Variants in PPFIA2 observed in about 807,000 individuals in gnomAD.
PPFIA2 encodes PPFI scaffold protein A2.
A neutral mutation model predicts 175.5 loss-of-function variants in PPFIA2; 46 were observed. The observed-to-expected ratio is 0.26, with a 90% CI of 0.21 to 0.34. The LOEUF is 0.34. Among genes scored for constraint, PPFIA2 ranks in the 10% least tolerant of loss-of-function variants. The probability of loss-of-function intolerance (pLI) is 1.00; values close to 1 mark genes in which losing one functional copy is unlikely to be tolerated. For missense variants in PPFIA2, 1,179 were observed against 1,506.1 expected (o/e 0.78, Z 3.60); for synonymous variants, 568 against 511.4 (o/e 1.11, Z -1.49).
intron 8 of PPFIA2, among the ~76,000 whole-genome samples, chr12:81,398,584 T>C (rs1227837515): frequency 6.6e-6 from 1 of 152,032 alleles, no homozygotes; most frequent in African/African-American, 2.4e-5. Context: ...CACAGGGTTG[T>C]TGTTACAGAG....
intron 10 of PPFIA2, 96 bp from the exon 11 acceptor site, chr12:81,374,864 A>G: frequency 2.5e-6 from 3 of 1,207,208 alleles, no homozygotes; most frequent in Non-Finnish European, 3.4e-6. Context: ...ATGATTCTAG[A>G]TTTAAATCAG....
At chr12:81,705,853 T>C (rs1053335269) in intron 3 of PPFIA2, among the ~76,000 whole-genome samples, 46 of 152,312 alleles carry the variant, frequency 3.0e-4, no homozygotes, top group African/African-American at 9.9e-4. Flanking sequence ...AGGAAATCAT[T>C]TGAGTCACAC....
chr12:81,690,772 G>A (rs1045407531), intron 3 of PPFIA2, among the ~76,000 whole-genome samples: 2 of 152,068 alleles, frequency 1.3e-5, no homozygotes, highest in Admixed American at 1.3e-4. Context: ...GGTGTTGGCA[G>A]GGGCTATGTT....
chr12:81,299,377 T>G lies in PPFIA2; in HGVS notation c.2648A>C (p.Glu883Ala), dbSNP rs1215788742. The G allele has an allele frequency of 1.3e-6, 2 of 1,583,678 alleles. No homozygotes were observed. Reference protein sequence around the residue: ...EKDRRLKKKHELLEEARRKGL... With the variant: ...EKDRRLKKKHALLEEARRKGL... ...CTTTCTCCGAGCTTCTTCAAGAAGT[T>G]CATGCCTGAAGTATATAGCAAAGAT... Residue 883 changes from glutamate to alanine, a missense_variant, in exon 23 of 33, where the codon GAA becomes GCA. Coordinates refer to ENST00000549396, the MANE Select transcript of PPFIA2 (RefSeq NM_003625.5).
intron 4 of PPFIA2, among the ~76,000 whole-genome samples, chr12:81,583,465 A>T (rs2074719801): frequency 6.6e-6 from 1 of 151,872 alleles, no homozygotes; most frequent in Non-Finnish European, 1.5e-5. Context: ...ATCAATAAAT[A>T]CAGTAAAGAT....
Position 81,375,942 on chromosome 12 carries a change from C to T in PPFIA2, c.985G>A (p.Ala329Thr). The T allele has an allele frequency of 6.2e-7, 1 of 1,609,188 alleles. No homozygotes were observed. The highest frequency in any genetic ancestry group is 8.5e-7 in the Non-Finnish European group (1 of 1,177,940). Residue 329 changes from alanine (A) to threonine (T), a missense_variant and splice_region_variant, in exon 10 of 33, where the codon GCC (alanine) becomes ACC (threonine). By Grantham distance (58) the Ala-to-Thr change is moderately conservative. Transcript: ENST00000549396. ...NTKYQRDIRE[A>T]MAQKEDMEER... is the part of the protein sequence containing the mutation. ...TCCATATCTTCCTTTTGTGCCATGG[C>T]CTACAATTAAAATAATTTAGAAAAA... is the stretch of plus-strand genomic sequence containing the variant.
intron 24 of PPFIA2, 65 bp downstream of exon 24, chr12:81,294,770 T>C (rs2046078764): frequency 6.7e-7 from 1 of 1,498,934 alleles, no homozygotes; most frequent in Non-Finnish European, 9.2e-7. Flanking sequence ...AATTTTGCTC[T>C]GTAGACTTAG....
intron 7 of PPFIA2, among the ~76,000 whole-genome samples, chr12:81,435,149 A>G (rs746370888): frequency 6.6e-6 from 1 of 152,186 alleles, no homozygotes; most frequent in Non-Finnish European, 1.5e-5. Context: ...CATCAGGAAA[A>G]CTAGGTGGCA....
intron 3 of PPFIA2, among the ~76,000 whole-genome samples, chr12:81,678,625 C>A (rs1009705012): frequency 6.6e-6 from 1 of 151,792 alleles, no homozygotes; most frequent in African/African-American, 2.4e-5. Context: ...TGAGAAACTA[C>A]TCCTTCCCCT....
intron 8 of PPFIA2, among the ~76,000 whole-genome samples, chr12:81,387,085 C>T (rs2039140705): frequency 6.6e-6 from 1 of 151,914 alleles, no homozygotes; most frequent in African/African-American, 2.4e-5. Flanking sequence ...TTTCAGATAC[C>T]TTTCCTTCTA....
intron 4 of PPFIA2, among the ~76,000 whole-genome samples, chr12:81,520,350 GT>G (rs2062969037): frequency 6.6e-6 from 1 of 152,134 alleles, no homozygotes; most frequent in Non-Finnish European, 1.5e-5. Context: ...ACTCTGAATG[GT>G]GGGTAGCAAC....
intron 2 of PPFIA2, among the ~76,000 whole-genome samples, chr12:81,755,166 C>T (rs950845944): frequency 3.3e-5 from 5 of 152,248 alleles, no homozygotes; most frequent in Non-Finnish European, 7.4e-5. Context: ...ATGAAATAAA[C>T]GAACTGTTTT....
intron 18 of PPFIA2, among the ~76,000 whole-genome samples, chr12:81,345,774 C>A (rs1027128848): frequency 2.0e-5 from 3 of 152,146 alleles, no homozygotes; most frequent in Non-Finnish European, 4.4e-5. Context: ...TAGGCAGAAA[C>A]TAAGCAAGAG....
intron 4 of PPFIA2, among the ~76,000 whole-genome samples, chr12:81,654,319 A>C (rs188158761): frequency 5.8e-4 from 89 of 152,158 alleles, no homozygotes; most frequent in Non-Finnish European, 9.3e-4. Context: ...AATATTAACA[A>C]ATGTAAAATA....
chr12:81,306,741 C>T (rs2049326621), intron 22 of PPFIA2, among the ~76,000 whole-genome samples: 1 of 151,764 alleles, frequency 6.6e-6, no homozygotes, highest in Admixed American at 6.6e-5. Flanking sequence ...GGGGTTTCAC[C>T]ATGTTAGCCA....
At chr12:81,507,693 G>T (rs1007987011) in intron 4 of PPFIA2, among the ~76,000 whole-genome samples, 1 of 152,164 alleles carries the variant, frequency 6.6e-6, no homozygotes, top group Non-Finnish European at 1.5e-5. Flanking sequence ...TAACCTAACT[G>T]ATCTTTGCTT....
intron 7 of PPFIA2, among the ~76,000 whole-genome samples, chr12:81,406,811 A>G (rs1421139933): frequency 1.3e-5 from 2 of 152,176 alleles, no homozygotes; most frequent in Non-Finnish European, 2.9e-5. Context: ...CATAGTATTT[A>G]GTGCACAATA....
intron 9 of PPFIA2, among the ~76,000 whole-genome samples, chr12:81,380,962 C>CTGTGTGTGTGTGTG (rs71098139): frequency 7.3e-6 from 1 of 137,502 alleles, no homozygotes; most frequent in African/African-American, 2.7e-5. Flanking sequence ...TTTCACAGTG[C>CTGTGTGTGTGTGTG]TGTGTGTGTG....
At chr12:81,364,336 C>G (rs974596838) in intron 14 of PPFIA2, among the ~76,000 whole-genome samples, 5 of 151,794 alleles carry the variant, frequency 3.3e-5, no homozygotes, top group African/African-American at 1.2e-4. Context: ...GGCTTTTACT[C>G]TGCATGAGAT....
Sources: gnomAD v4.1 joint callset for allele counts (sites outside exome capture counted in the v4.1 genomes callset) on GRCh38, gnomAD v4.1.1 for gene constraint, MANE v1.5 for transcripts, NCBI Gene and HGNC (gene_info 2026-07-23, HGNC 2026-07-21) for gene names.